The following PCDH15 variants were observed in gnomAD, a reference collection of about 807,000 sequenced individuals.
PCDH15 encodes protocadherin related 15.
PCDH15 carries 129 observed loss-of-function variants against 178.5 expected under a neutral mutation model. The observed-to-expected ratio is 0.72, with a 90% CI of 0.63 to 0.84. The LOEUF (loss-of-function observed/expected upper bound fraction) is 0.84, where lower values mean the gene tolerates loss of function less well. Ranked by LOEUF, PCDH15 falls within the 40% of genes least tolerant of loss-of-function variation. The pLI is 0.00. For synonymous variants in PCDH15, 800 were observed against 732.0 expected (o/e 1.09, Z -1.50); for missense variants, 2,230 against 2,099.9 (o/e 1.06, Z -1.21).
intron 15 of PCDH15, among the ~76,000 whole-genome samples, chr10:54,121,846 C>G (rs1377007411): frequency 6.6e-6 from 1 of 151,918 alleles, no homozygotes; most frequent in Non-Finnish European, 1.5e-5. Flanking sequence ...ATAATAAGCC[C>G]CAGTCCAGAT....
intron 6 of PCDH15, among the ~76,000 whole-genome samples, chr10:54,335,619 T>A (rs1009060506): frequency 6.6e-6 from 1 of 152,244 alleles, no homozygotes; most frequent in African/African-American, 2.4e-5. Flanking sequence ...AAATTCTCTC[T>A]TAGTCTGCTT....
chr10:54,532,103 A>C (rs2083989192), intron 2 of PCDH15, among the ~76,000 whole-genome samples: 1 of 152,154 alleles, frequency 6.6e-6, no homozygotes, highest in African/African-American at 2.4e-5. Flanking sequence ...CTAATCAAAT[A>C]GGTTTTCCTA....
In PCDH15 at chr10:54,125,315, G is replaced by A. The variant is rs147759596; in HGVS notation, c.1917+7560C>T. On this transcript the variant is annotated intron_variant, in intron 15 of 37. Coordinates refer to ENST00000644397, the MANE Select transcript of PCDH15 (RefSeq NM_001384140.1). ...AAAAGGAAAGAGAATCAAAGCATCA[G>A]AGCGAGTCACCTCACTGGGAGGTGG... Among the ~76,000 whole-genome samples, 189 of 152,316 alleles carry A rather than the reference G, an allele frequency of 1.2e-3. 1 individual carries two copies. Among genetic ancestry groups the A allele is most frequent in the African/African-American group, 4.5e-3 (188 of 41,578 alleles).
chr10:53,887,132 C>T (rs2081157405), intron 26 of PCDH15, among the ~76,000 whole-genome samples: 1 of 152,152 alleles, frequency 6.6e-6, no homozygotes, highest in Non-Finnish European at 1.5e-5. Context: ...TTTCATTCTC[C>T]CTACCACCCT....
intron 2 of PCDH15, among the ~76,000 whole-genome samples, chr10:54,572,437 A>T (rs2089962972): frequency 6.6e-6 from 1 of 152,174 alleles, no homozygotes; most frequent in South Asian, 2.1e-4. Context: ...CACAAAGTAG[A>T]TGAAGATATT....
intron 21 of PCDH15, among the ~76,000 whole-genome samples, chr10:53,991,101 G>C (rs530857703): frequency 1.3e-5 from 2 of 151,774 alleles, no homozygotes; most frequent in South Asian, 4.2e-4. Context: ...CCCCACCCCC[G>C]TGGGCTCCCG....
chr10:54,098,272 C>T (rs2094739663), intron 15 of PCDH15, among the ~76,000 whole-genome samples: 1 of 151,464 alleles, frequency 6.6e-6, no homozygotes, highest in Admixed American at 6.6e-5. Flanking sequence ...CTAGGTTAAA[C>T]ACATTCCAAA....
At chr10:55,427,809 T>C in intron 2 of PCDH15, among the ~76,000 whole-genome samples, 1 of 99,468 alleles carries the variant, frequency 1.0e-5, no homozygotes, top group East Asian at 1.9e-4. Context: ...TTATTAAATA[T>C]CATATTTAAA....
chr10:54,360,177 C>G (rs149402444), intron 5 of PCDH15, among the ~76,000 whole-genome samples: 1 of 152,048 alleles, frequency 6.6e-6, no homozygotes, highest in Non-Finnish European at 1.5e-5. Context: ...TTTGCCAGAT[C>G]GCCACATCAG....
chr10:54,380,284 A>C (rs1460095249), intron 3 of PCDH15, among the ~76,000 whole-genome samples: 1 of 151,970 alleles, frequency 6.6e-6, no homozygotes, highest in Non-Finnish European at 1.5e-5. Flanking sequence ...AATTACATGA[A>C]TATTGAGTGG....
intron 25 of PCDH15, among the ~76,000 whole-genome samples, chr10:53,932,012 T>C (rs1564800639): frequency 6.6e-6 from 1 of 152,214 alleles, no homozygotes; most frequent in Non-Finnish European, 1.5e-5. Flanking sequence ...GTAAGGTAGG[T>C]AGCGAAGTTC....
At chr10:55,256,544 A>G (rs932402926) in intron 1 of PCDH15, among the ~76,000 whole-genome samples, 1 of 152,132 alleles carries the variant, frequency 6.6e-6, no homozygotes, top group African/African-American at 2.4e-5. Flanking sequence ...CACTTTTCCA[A>G]TGGTCTTGGC....
chr10:55,277,969 A>C (rs907522402), intron 1 of PCDH15, among the ~76,000 whole-genome samples: 2 of 152,198 alleles, frequency 1.3e-5, no homozygotes, highest in Non-Finnish European at 2.9e-5. Flanking sequence ...CATTAGGACT[A>C]GCTAAGCTTG....
At chr10:55,589,081 CAAAAAAAAA>C (rs35940637) in intron 2 of PCDH15, among the ~76,000 whole-genome samples, 5 of 81,168 alleles carry the variant, frequency 6.2e-5, no homozygotes, top group East Asian at 6.9e-4. Context: ...AATTCCGTGT[CAAAAAAAAA>C]AAAAAAAAAA....
intron 2 of PCDH15, among the ~76,000 whole-genome samples, chr10:55,399,573 C>A (rs1481536834): frequency 6.6e-6 from 1 of 152,000 alleles, no homozygotes; most frequent in Admixed American, 6.6e-5. Context: ...AGAATCAGAG[C>A]AGCAGGAGTT....
At position 54,020,340 on chromosome 10, in the gene PCDH15, T is replaced by C; in HGVS notation, c.2603A>G (p.His868Arg). Residue 868 changes from histidine to arginine, a missense_variant, in exon 20 of 38, where the codon CAT (histidine) becomes CGT (arginine). Physicochemically the swap from His to Arg is conservative, Grantham distance 29. Transcript: ENST00000644397. ...AAGCGATAGTTCTCCTGTAAATGGA[T>C]GTAGTGCAAAAAAGTGCTTCACTTC... ...SPEVKHFFALHPFTGELSLLR... is the reference protein window; with the variant it reads ...SPEVKHFFALRPFTGELSLLR... The C allele has an allele frequency of 6.2e-7, 1 of 1,613,804 alleles. No individual in the cohort carries two copies. The highest frequency in any genetic ancestry group is 1.1e-5 in the South Asian group (1 of 91,076).
At chr10:54,661,660 A>G (rs1217119649) in intron 2 of PCDH15, among the ~76,000 whole-genome samples, 4 of 152,046 alleles carry the variant, frequency 2.6e-5, no homozygotes, top group African/African-American at 7.2e-5. Context: ...CTATAAGGCT[A>G]TAATAAAAAA....
intron 1 of PCDH15, among the ~76,000 whole-genome samples, chr10:55,319,116 GC>G (rs1343381381): frequency 2.0e-5 from 3 of 151,906 alleles, no homozygotes; most frequent in East Asian, 3.9e-4. Flanking sequence ...TTTCAATCCT[GC>G]CATCAAATAA....
chr10:54,569,405 A>G (rs905678996), intron 2 of PCDH15, among the ~76,000 whole-genome samples: 1 of 152,186 alleles, frequency 6.6e-6, no homozygotes, highest in Admixed American at 6.5e-5. Flanking sequence ...TTTGCAGCAG[A>G]GAAGTTCCCT....
Sources: allele counts gnomAD v4.1 joint callset (sites outside exome capture counted in the v4.1 genomes callset), GRCh38; gene constraint gnomAD v4.1.1; transcripts MANE v1.5; gene names NCBI Gene and HGNC (gene_info 2026-07-23, HGNC 2026-07-21).